The following TMEM65 variants were observed in gnomAD, a reference collection of about 807,000 sequenced individuals.
TMEM65 encodes the protein transmembrane protein 65.
In TMEM65, 22 loss-of-function variants were observed where a neutral mutation model predicts 25.4. The observed-to-expected ratio is 0.86, with a 90% CI of 0.62 to 1.23. TMEM65 has a LOEUF of 1.23. Among genes scored for constraint, TMEM65 ranks in the 50% most tolerant of loss-of-function variants. The probability of loss-of-function intolerance (pLI) is 0.00; values close to 1 mark genes in which losing one functional copy is unlikely to be tolerated. For missense variants in TMEM65, 262 were observed against 308.2 expected, an observed-to-expected ratio of 0.85 and a Z score of 1.12; for synonymous variants, 132 against 126.2, an observed-to-expected ratio of 1.05 and a Z score of -0.31.
Position 124,371,848 on chromosome 8 carries a change from C to T in TMEM65, c.304+6G>A. On this transcript the variant is annotated splice_donor_region_variant and intron_variant, in intron 1 of 6. Coordinates refer to ENST00000297632, the MANE Select transcript of TMEM65 (RefSeq NM_194291.3). Reference sequence around the variant, plus strand: ...CCCGGGCTCGCCCCCCACCTGCCCCCCTTACCTTGGGCAATGGCAATAGAC... The same window carrying T: ...CCCGGGCTCGCCCCCCACCTGCCCCTCTTACCTTGGGCAATGGCAATAGAC... The T allele has an allele frequency of 2.0e-6, 3 of 1,522,912 alleles. No homozygotes were observed. Among genetic ancestry groups the T allele is most frequent in the Non-Finnish European group, 2.6e-6 (3 of 1,141,022 alleles). The allele number at this position is 1,522,912 out of a possible 1,614,324, so 94.3% of individuals were successfully genotyped here. A position where few individuals can be genotyped will look rare whatever the true frequency, so the allele number is the denominator to read the frequency against.
At chr8:124,362,845 A>G (rs1353118720) in intron 1 of TMEM65, among the ~76,000 whole-genome samples, 3 of 150,848 alleles carry the variant, frequency 2.0e-5, no homozygotes, top group African/African-American at 7.3e-5. Context: ...AAGAAAGAGT[A>G]AATGTGTTTG....
chr8:124,333,952 G>C (rs1814469946), intron 1 of TMEM65, among the ~76,000 whole-genome samples: 1 of 152,188 alleles, frequency 6.6e-6, no homozygotes, highest in Non-Finnish European at 1.5e-5. Context: ...GAGTCAGAAA[G>C]GAAGAGTCCT....
intron 1 of TMEM65, among the ~76,000 whole-genome samples, chr8:124,341,317 G>A (rs897955765): frequency 6.6e-6 from 1 of 151,932 alleles, no homozygotes; most frequent in African/African-American, 2.4e-5. Flanking sequence ...TGCAAAGGAC[G>A]AATCTTGTAA....
intron 6 of TMEM65, among the ~76,000 whole-genome samples, chr8:124,317,791 G>A (rs1814256322): frequency 6.6e-6 from 1 of 152,164 alleles, no homozygotes; most frequent in Non-Finnish European, 1.5e-5. Context: ...CCTGCCAGCA[G>A]ACTCATTCCC....
chr8:124,333,361 T>C (rs1167672541), intron 1 of TMEM65, among the ~76,000 whole-genome samples: 1 of 152,014 alleles, frequency 6.6e-6, no homozygotes, highest in Non-Finnish European at 1.5e-5. Context: ...AATTTTCTTT[T>C]GACATATAAT....
At chr8:124,353,764 C>T (rs1814741633) in intron 1 of TMEM65, among the ~76,000 whole-genome samples, 1 of 152,020 alleles carries the variant, frequency 6.6e-6, no homozygotes, top group Non-Finnish European at 1.5e-5. Flanking sequence ...TCCCACTGGC[C>T]ACATATAGGG....
At chr8:124,321,871 G>T (rs1179694734) in intron 5 of TMEM65, among the ~76,000 whole-genome samples, 4 of 152,038 alleles carry the variant, frequency 2.6e-5, no homozygotes, top group Non-Finnish European at 4.4e-5. Flanking sequence ...AACTGCCAGG[G>T]CTCCCTCTCC....
chr8:124,328,814 G>A (rs1323606088), intron 2 of TMEM65, among the ~76,000 whole-genome samples: 1 of 151,782 alleles, frequency 6.6e-6, no homozygotes, highest in Non-Finnish European at 1.5e-5. Context: ...TTTTAATGCA[G>A]TTATCTCCAC....
intron 5 of TMEM65, 29 bp from the exon 6 acceptor site, chr8:124,320,220 T>C (rs1311858731): frequency 2.6e-6 from 4 of 1,521,122 alleles, no homozygotes; most frequent in Middle Eastern, 1.7e-4. Flanking sequence ...ATATGATATA[T>C]AGGTTATGTT....
intron 1 of TMEM65, among the ~76,000 whole-genome samples, chr8:124,367,495 A>C (rs1268046092): frequency 6.6e-6 from 1 of 152,196 alleles, no homozygotes; most frequent in Non-Finnish European, 1.5e-5. Context: ...AAATTTAAGA[A>C]AAGAATTTCT....
intron 1 of TMEM65, among the ~76,000 whole-genome samples, chr8:124,361,544 A>G (rs1425421136): frequency 4.0e-5 from 6 of 151,452 alleles, no homozygotes; most frequent in African/African-American, 1.5e-4. Flanking sequence ...AAAAAAAGCA[A>G]GATTTTGGGC....
chr8:124,372,442 T>G lies in TMEM65; in HGVS notation c.-285A>C. 1 of 159,276 alleles carries G rather than the reference T, an allele frequency of 6.3e-6. No individual in the cohort carries two copies. The highest frequency in any genetic ancestry group is 1.4e-5 in the Non-Finnish European group (1 of 73,084). 9.9% of individuals were successfully genotyped at this position (159,276 alleles called of 1,614,324 possible). A position where few individuals can be genotyped will look rare whatever the true frequency, so the allele number is the denominator to read the frequency against. On this transcript the variant is annotated 5_prime_UTR_variant, in exon 1 of 7. Transcript: ENST00000297632. Reference sequence around the variant, plus strand: ...GCGCCCGGAGAGGGCGGGCGGTCGGTGCGGGCGGGCGCCTCCCGGCTGAGG... The same window carrying G: ...GCGCCCGGAGAGGGCGGGCGGTCGGGGCGGGCGGGCGCCTCCCGGCTGAGG...
intron 1 of TMEM65, among the ~76,000 whole-genome samples, chr8:124,358,502 T>C (rs932418294): frequency 6.6e-6 from 1 of 152,210 alleles, no homozygotes; most frequent in Non-Finnish European, 1.5e-5. Flanking sequence ...CATACTCCAA[T>C]GCATTCATAG....
chr8:124,318,378 T>TG lies in TMEM65; in HGVS notation c.621+1707_621+1708insC, dbSNP rs1185439047. ...GAATTTGCATGTTTTTGTTTTTTTT[T>TG]TTTTTTTTTTTTTTGAGATGGAGTC... On this transcript the variant is annotated intron_variant, in intron 6 of 6. Coordinates refer to ENST00000297632, the MANE Select transcript of TMEM65 (RefSeq NM_194291.3). 8.7e-3 allele frequency among the ~76,000 whole-genome samples: 1,100 copies of TG among 126,910 alleles called. 18 individuals carry two copies. Among genetic ancestry groups the TG allele is most frequent in the African/African-American group, 0.031 (998 of 32,666 alleles). 83.3% of individuals were successfully genotyped at this position (126,910 alleles called of 152,430 possible).
chr8:124,327,401 G>A lies in TMEM65; in HGVS notation c.370C>T (p.Pro124Ser). The A allele has an allele frequency of 1.3e-6, 2 of 1,597,580 alleles. No individual in the cohort carries two copies. Among genetic ancestry groups the A allele is most frequent in the South Asian group, 1.1e-5 (1 of 87,306 alleles). ...LRYVFIHNAIPFIGFGFLDNA... is the reference protein window; with the variant it reads ...LRYVFIHNAISFIGFGFLDNA... ...TCCAAAAAGCCAAACCCTATGAAAGGTATCGCATTGTGGATGAATACTGAA... is the reference window on the plus strand; with the variant it reads ...TCCAAAAAGCCAAACCCTATGAAAGATATCGCATTGTGGATGAATACTGAA... The change falls in exon 3 of 7, where the codon CCT becomes TCT. Residue 124 changes from proline (P) to serine (S), a missense_variant. Physicochemically the swap from Pro to Ser is moderately conservative, Grantham distance 74 (BLOSUM62 -1). Transcript: ENST00000297632.
intron 1 of TMEM65, among the ~76,000 whole-genome samples, chr8:124,354,703 T>C (rs960149033): frequency 6.6e-6 from 1 of 152,180 alleles, no homozygotes; most frequent in Non-Finnish European, 1.5e-5. Flanking sequence ...ACTGAAACTA[T>C]ATTACACCTT....
chr8:124,341,524 T>C (rs1021489817), intron 1 of TMEM65, among the ~76,000 whole-genome samples: 9 of 152,088 alleles, frequency 5.9e-5, no homozygotes, highest in African/African-American at 2.2e-4. Context: ...CTTTACCTTT[T>C]AGGTAATTGA....
At chr8:124,354,150 A>C (rs906794706) in intron 1 of TMEM65, among the ~76,000 whole-genome samples, 1 of 152,186 alleles carries the variant, frequency 6.6e-6, no homozygotes, top group Admixed American at 6.5e-5. Flanking sequence ...AAGACATGCT[A>C]CAAAAAAACT....
intron 6 of TMEM65, among the ~76,000 whole-genome samples, chr8:124,316,917 AC>A (rs1282530768): frequency 6.6e-6 from 1 of 152,186 alleles, no homozygotes; most frequent in African/African-American, 2.4e-5. Context: ...AGACTTTTCA[AC>A]CTTTATAAAG....
Sources: allele counts gnomAD v4.1 joint callset (sites outside exome capture counted in the v4.1 genomes callset), GRCh38; gene constraint gnomAD v4.1.1; transcripts MANE v1.5; gene names NCBI Gene and HGNC (gene_info 2026-07-23, HGNC 2026-07-21).